The following CENPP variants were observed in gnomAD, a reference collection of about 807,000 sequenced individuals.
CENPP encodes the protein centromere protein P.
A neutral mutation model predicts 35.6 loss-of-function variants in CENPP; 24 were observed. That is an observed-to-expected ratio of 0.67 (90% confidence interval 0.49 to 0.95). The LOEUF is 0.95. Among genes scored for constraint, CENPP ranks in the 40% least tolerant of loss-of-function variants. The probability of loss-of-function intolerance (pLI) is 0.00; values close to 1 mark genes in which losing one functional copy is unlikely to be tolerated. For synonymous variants in CENPP, 120 were observed against 125.5 expected, an observed-to-expected ratio of 0.96 and a Z score of 0.29; for missense variants, 332 against 345.3, an observed-to-expected ratio of 0.96 and a Z score of 0.31.
intron 5 of CENPP, among the ~76,000 whole-genome samples, chr9:92,549,578 C>A: frequency 6.8e-6 from 1 of 146,440 alleles, no homozygotes. Context: ...ACCTGGGAGG[C>A]AAAGGTTACA....
At chr9:92,514,994 G>A in intron 5 of CENPP, 2 of 1,613,954 alleles carry the variant, frequency 1.2e-6, no homozygotes, top group Non-Finnish European at 1.7e-6. Flanking sequence ...CTAGATTCAG[G>A]GGTCTCTCTC....
intron 5 of CENPP, among the ~76,000 whole-genome samples, chr9:92,499,642 T>A (rs543802592): frequency 1.6e-4 from 24 of 152,160 alleles, no homozygotes; most frequent in Middle Eastern, 3.2e-3. Context: ...CTGTGAAGTA[T>A]TTTTGCCAAA....
chr9:92,360,499 C>T (rs556780738), intron 4 of CENPP, among the ~76,000 whole-genome samples: 5 of 152,118 alleles, frequency 3.3e-5, no homozygotes, highest in Admixed American at 1.3e-4. Context: ...CCCAGGAGTT[C>T]GACAGTGCAG....
chr9:92,486,252 A>G (rs958376790), intron 5 of CENPP, among the ~76,000 whole-genome samples: 1 of 152,176 alleles, frequency 6.6e-6, no homozygotes. Flanking sequence ...GGTTTTTTGT[A>G]TAGTAGATGC....
At chr9:92,345,107 G>A (rs1476533814) in intron 3 of CENPP, among the ~76,000 whole-genome samples, 1 of 151,962 alleles carries the variant, frequency 6.6e-6, no homozygotes, top group South Asian at 2.1e-4. Flanking sequence ...AAAAAAATTA[G>A]CCAGGCATGG....
intron 4 of CENPP, among the ~76,000 whole-genome samples, chr9:92,365,489 CA>C (rs1252886553): frequency 7.1e-6 from 1 of 140,552 alleles, no homozygotes; most frequent in African/African-American, 2.7e-5. Context: ...TGGCTCACTA[CA>C]ACCTCCACCT....
chr9:92,335,929 G>A (rs1379798844), intron 2 of CENPP, among the ~76,000 whole-genome samples: 1 of 152,164 alleles, frequency 6.6e-6, no homozygotes, highest in Non-Finnish European at 1.5e-5. Flanking sequence ...TAACTTGCTG[G>A]AATTTTGATT....
intron 5 of CENPP, among the ~76,000 whole-genome samples, chr9:92,567,373 GATATATATATATATAT>G: frequency 2.3e-5 from 3 of 129,090 alleles, no homozygotes; most frequent in African/African-American, 5.6e-5. Context: ...ACATAAGATA[GATATATATATATATAT>G]ATATATAGAT....
At chr9:92,523,608 A>C (rs933242066) in intron 5 of CENPP, among the ~76,000 whole-genome samples, 1 of 152,236 alleles carries the variant, frequency 6.6e-6, no homozygotes, top group African/African-American at 2.4e-5. Context: ...GTTTAGGGCG[A>C]AACAGTGAAA....
chr9:92,495,151 G>A (rs2131130607), intron 5 of CENPP, among the ~76,000 whole-genome samples: 1 of 152,120 alleles, frequency 6.6e-6, no homozygotes, highest in East Asian at 1.9e-4. Flanking sequence ...ACTATTAAAT[G>A]ATTAAATAAC....
At chr9:92,460,528 T>A in intron 5 of CENPP, 3 of 1,605,958 alleles carry the variant, frequency 1.9e-6, no homozygotes, top group Non-Finnish European at 2.6e-6. Flanking sequence ...TGAAATTTTA[T>A]TATAATCTAA....
In CENPP at chr9:92,533,320, A is replaced by C. The variant is rs1162961235; in HGVS notation, c.565-77994A>C. On this transcript the variant is annotated intron_variant, in intron 5 of 7. Transcript: ENST00000375587. ...GTCTCAAACAAAAAAAAAAAAAAAA[A>C]AAAAAAAAATATATATATATATATA... 6.5e-5 allele frequency among the ~76,000 whole-genome samples: 6 copies of C among 92,468 alleles called. 1 individual carries two copies. The highest frequency in any genetic ancestry group is 1.3e-4 in the Non-Finnish European group (6 of 47,440). The allele number at this position is 92,468 out of a possible 152,430, so 60.7% of individuals were successfully genotyped here.
At chr9:92,325,680 G>A, upstream of CENPP, 1 of 331,392 alleles carries the variant, frequency 3.0e-6, no homozygotes, top group Non-Finnish European at 5.7e-6. Context: ...CGGCCGGGCG[G>A]CTCCAAGGCT....
chr9:92,600,313 T>C, intron 5 of CENPP: 1 of 1,492,610 alleles, frequency 6.7e-7, no homozygotes, highest in Non-Finnish European at 8.9e-7. Flanking sequence ...TATTCATGCT[T>C]GCATTTGCTG....
rs142408297 is a variant in CENPP at position 92,485,781 on chromosome 9, T to C, written c.564+105922T>C. ...CCTGGGCTAAAGCAATCCTCCCATC[T>C]CGGCCCCCCAAAGTGCTGAGATTAC... On this transcript the variant is annotated intron_variant, in intron 5 of 7. Transcript: ENST00000375587. 7.0e-3 allele frequency among the ~76,000 whole-genome samples: 1,059 copies of C among 152,216 alleles called. 7 individuals carry two copies. Among genetic ancestry groups the C allele is most frequent in the Admixed American group, 0.013 (200 of 15,276 alleles).
chr9:92,416,058 G>GTGTGTGTGTATATATATATA lies in CENPP; in HGVS notation c.564+36200_564+36201insGTGTGTGTATATATATATAT, dbSNP rs6151074. On this transcript the variant is annotated intron_variant, in intron 5 of 7. Transcript: ENST00000375587. ...ATAAATAAATATATTATATATGTGT[G>GTGTGTGTGTATATATATATA]TATATATATATATTTATTTATTTAT... 9.2e-5 allele frequency among the ~76,000 whole-genome samples: 12 copies of GTGTGTGTGTATATATATATA among 130,914 alleles called. No homozygotes were observed. The East Asian group carries it at 1.7e-3, about 19-fold the overall frequency. The allele number at this position is 130,914 out of a possible 152,430, so 85.9% of individuals were successfully genotyped here. A position where few individuals can be genotyped will look rare whatever the true frequency, so the allele number is the denominator to read the frequency against.
rs536987656 is a variant in CENPP, at chr9:92,415,233, A to T, written c.564+35374A>T. On this transcript the variant is annotated intron_variant, in intron 5 of 7. Coordinates refer to ENST00000375587, the MANE Select transcript of CENPP (RefSeq NM_001012267.3). ...CTGGGCTCTCATGAGCATTGTCAGG[A>T]TCATCGTGATCTTCACTTTCATCAT... 28 of 1,613,794 alleles carry T rather than the reference A, an allele frequency of 1.7e-5. No homozygotes were observed. In the South Asian group the frequency reaches 2.1e-4, roughly 12 times the overall value.
At chr9:92,526,367 T>A (rs1161234842) in intron 5 of CENPP, among the ~76,000 whole-genome samples, 2 of 152,178 alleles carry the variant, frequency 1.3e-5, no homozygotes, top group Non-Finnish European at 2.9e-5. Flanking sequence ...GGAATTTTTT[T>A]AAATTCTTGA....
chr9:92,514,480 G>T, intron 5 of CENPP: 1 of 1,031,316 alleles, frequency 9.7e-7, no homozygotes, highest in Non-Finnish European at 1.3e-6. Context: ...TCACCATATT[G>T]TCCAGGCTGG....
Sources: gnomAD v4.1 joint callset for allele counts (sites outside exome capture counted in the v4.1 genomes callset) on GRCh38, gnomAD v4.1.1 for gene constraint, MANE v1.5 for transcripts, NCBI Gene and HGNC (gene_info 2026-07-23, HGNC 2026-07-21) for gene names.